The following ADAMTS12 variants were observed in gnomAD, a reference collection of about 807,000 sequenced individuals.
ADAMTS12 encodes the protein A disintegrin and metalloproteinase with thrombospondin motifs 12.
Under a neutral mutation model 167.8 loss-of-function variants are expected in ADAMTS12, and 118 were observed. That is an observed-to-expected ratio of 0.70 (90% CI 0.61 to 0.82). The LOEUF is 0.82. Ranked by LOEUF, ADAMTS12 falls within the 40% of genes least tolerant of loss-of-function variation. The pLI, the probability that ADAMTS12 is intolerant of heterozygous loss-of-function variation, is 0.00. For missense variants in ADAMTS12, 1,916 were observed against 1,998.8 expected (o/e 0.96, Z 0.79); for synonymous variants, 704 against 716.9 (o/e 0.98, Z 0.29).
chr5:33,643,555 C>G, intron 9 of ADAMTS12, 85 bp from the exon 10 acceptor site: 1 of 1,167,114 alleles, frequency 8.6e-7, no homozygotes. Flanking sequence ...GCACACTCAT[C>G]CACACACTCA....
At chr5:33,861,127 A>ACAGC (rs1385332958) in intron 2 of ADAMTS12, among the ~76,000 whole-genome samples, 9 of 152,238 alleles carry the variant, frequency 5.9e-5, no homozygotes, top group African/African-American at 2.2e-4. Context: ...GCATCAACTA[A>ACAGC]CAGCCAAAAT....
intron 2 of ADAMTS12, among the ~76,000 whole-genome samples, chr5:33,829,572 A>T (rs1748218714): frequency 6.6e-6 from 1 of 152,166 alleles, no homozygotes; most frequent in South Asian, 2.1e-4. Flanking sequence ...CAAGAACTGC[A>T]TAGAAGGAGG....
At chr5:33,825,751 T>C (rs1375105878) in intron 2 of ADAMTS12, among the ~76,000 whole-genome samples, 1 of 152,188 alleles carries the variant, frequency 6.6e-6, no homozygotes, top group Non-Finnish European at 1.5e-5. Context: ...TAATCCATTA[T>C]ACAAAAACTC....
intron 23 of ADAMTS12, among the ~76,000 whole-genome samples, chr5:33,529,735 A>G (rs1744005003): frequency 6.6e-6 from 1 of 152,132 alleles, no homozygotes. Flanking sequence ...TAGCTTCCAG[A>G]GTCCTGTTTG....
Position 33,795,771 on chromosome 5 carries a change from A to G in ADAMTS12, c.490-44223T>C, listed in dbSNP as rs1480558623. 2.0e-5 allele frequency among the ~76,000 whole-genome samples: 3 copies of G among 152,224 alleles called. No individual in the cohort carries two copies. The East Asian group carries it at 5.8e-4, about 29-fold the overall frequency. On this transcript the variant is annotated intron_variant, in intron 2 of 23. Transcript: ENST00000504830. ...CGCCACTATACTCCCCACTGGTAGA[A>G]GTAAAAGCTGAAGGGAATGAAGGAA...
chr5:33,856,460 C>T (rs902957082), intron 2 of ADAMTS12, among the ~76,000 whole-genome samples: 1 of 152,042 alleles, frequency 6.6e-6, no homozygotes, highest in African/African-American at 2.4e-5. Flanking sequence ...AAGGTAGCCC[C>T]TCCAGAAAAA....
rs549074748 is a variant in ADAMTS12 at position 33,671,808 on chromosome 5, C to A, written c.916-9768G>T. Among the ~76,000 whole-genome samples the A allele has an allele frequency of 5.5e-5, 8 of 146,394 alleles. 1 individual carries two copies. The South Asian group carries it at 1.1e-3, about 20-fold the overall frequency. On this transcript the variant is annotated intron_variant, in intron 5 of 23. Coordinates refer to ENST00000504830, the MANE Select transcript of ADAMTS12 (RefSeq NM_030955.4). ...CAACCATATATCTACCCACACACAT[C>A]CATATACTCACATACCCACACACCC...
At chr5:33,760,518 T>C (rs1356848268) in intron 2 of ADAMTS12, among the ~76,000 whole-genome samples, 15 of 152,168 alleles carry the variant, frequency 9.9e-5, no homozygotes, top group Admixed American at 9.8e-4. Context: ...GGCTGACATA[T>C]ATGCTGAAGA....
At chr5:33,679,075 A>G (rs1175661773) in intron 5 of ADAMTS12, among the ~76,000 whole-genome samples, 1 of 152,190 alleles carries the variant, frequency 6.6e-6, no homozygotes, top group Non-Finnish European at 1.5e-5. Context: ...CCGAAGTGCG[A>G]GTGGAAGTAG....
intron 2 of ADAMTS12, among the ~76,000 whole-genome samples, chr5:33,779,556 A>G (rs1405831422): frequency 6.6e-6 from 1 of 152,200 alleles, no homozygotes; most frequent in Non-Finnish European, 1.5e-5. Flanking sequence ...TAGCCATGAC[A>G]GGGAATCAAC....
At chr5:33,671,992 C>T (rs1029044653) in intron 5 of ADAMTS12, among the ~76,000 whole-genome samples, 5 of 148,682 alleles carry the variant, frequency 3.4e-5, no homozygotes, top group Non-Finnish European at 6.0e-5. Flanking sequence ...CATACACACA[C>T]ACCCATATAC....
chr5:33,607,092 A>G (rs1738478116), intron 16 of ADAMTS12, among the ~76,000 whole-genome samples: 1 of 152,238 alleles, frequency 6.6e-6, no homozygotes, highest in Admixed American at 6.5e-5. Context: ...TAAGCCAGGA[A>G]TAGAAGAAAT....
At chr5:33,830,660 C>T (rs6860534) in intron 2 of ADAMTS12, among the ~76,000 whole-genome samples, 65,309 of 151,660 alleles carry the variant, frequency 0.43, 15,228 homozygotes, top group African/African-American at 0.62. Flanking sequence ...AGAGTGGTGG[C>T]GCACACCTGT....
chr5:33,740,834 C>A (rs112343818), intron 3 of ADAMTS12, among the ~76,000 whole-genome samples: 31 of 152,178 alleles, frequency 2.0e-4, no homozygotes, highest in Non-Finnish European at 4.4e-5. Flanking sequence ...GACAGAGAAC[C>A]CAACTCCAGA....
intron 3 of ADAMTS12, among the ~76,000 whole-genome samples, chr5:33,685,512 G>T (rs1049658757): frequency 1.3e-5 from 2 of 152,134 alleles, no homozygotes; most frequent in African/African-American, 4.8e-5. Context: ...ACCCTTCCTG[G>T]TTCCTCAGTT....
intron 20 of ADAMTS12, among the ~76,000 whole-genome samples, chr5:33,553,876 T>C (rs543962203): frequency 6.6e-5 from 10 of 152,096 alleles, no homozygotes; most frequent in African/African-American, 9.7e-5. Flanking sequence ...TTAAAAAAAA[T>C]TTATTCCAAA....
intron 5 of ADAMTS12, among the ~76,000 whole-genome samples, chr5:33,666,830 C>T (rs1165060293): frequency 6.6e-6 from 1 of 152,148 alleles, no homozygotes; most frequent in Non-Finnish European, 1.5e-5. Context: ...TAAATTATTG[C>T]TATTAGGTGT....
At chr5:33,567,053 C>T in intron 19 of ADAMTS12, among the ~76,000 whole-genome samples, 1 of 152,182 alleles carries the variant, frequency 6.6e-6, no homozygotes, top group East Asian at 1.9e-4. Flanking sequence ...ACTGAGAAGT[C>T]AACACCTCTT....
intron 16 of ADAMTS12, 76 bp from the exon 17 acceptor site, chr5:33,596,136 C>T: frequency 6.4e-7 from 1 of 1,558,374 alleles, no homozygotes; most frequent in Non-Finnish European, 8.7e-7. Flanking sequence ...GGTACCTGAC[C>T]ACGTCAACGA....
Sources: allele counts gnomAD v4.1 joint callset (sites outside exome capture counted in the v4.1 genomes callset), GRCh38; gene constraint gnomAD v4.1.1; transcripts MANE v1.5; gene names NCBI Gene and HGNC (gene_info 2026-07-23, HGNC 2026-07-21).